ZNF281: variants seen among roughly 807,000 people sequenced by gnomAD.
ZNF281 encodes GC-box-binding zinc finger protein 1.
Under a neutral mutation model 58.8 loss-of-function variants are expected in ZNF281, and 2 were observed. That is an observed-to-expected ratio of 0.03 (90% CI 0.01 to 0.11). The LOEUF (loss-of-function observed/expected upper bound fraction) is 0.11. Among genes scored for constraint, ZNF281 ranks in the 10% least tolerant of loss-of-function variants. The probability of loss-of-function intolerance (pLI) is 1.00; values close to 1 mark genes in which losing one functional copy is unlikely to be tolerated. For synonymous variants in ZNF281, 465 were observed against 407.7 expected, an observed-to-expected ratio of 1.14 and a Z score of -1.69; for missense variants, 975 against 1,090.7, an observed-to-expected ratio of 0.89 and a Z score of 1.49.
Position 200,409,697 on chromosome 1 carries a change from G to C in ZNF281, c.9C>G (p.Ile3Met). Residue 3 changes from isoleucine (I) to methionine (M), a missense_variant, in exon 2 of 2, where the codon ATC (isoleucine) becomes ATG (methionine). Around this residue, in one of 3 missense-constraint regions of ZNF281, gnomAD observed 370 missense variants for 360.9 expected, o/e 1.03. Transcript: ENST00000367353. ...CGCCGCCACTCAGGAACCCACTGCC[G>C]ATTTTCATACCCCGGAGGAGGCCTG... is the stretch of plus-strand genomic sequence containing the variant. MKIGSGFLSGGGG... is the reference protein window; with the variant it reads MKMGSGFLSGGGG... 6.3e-7 allele frequency: 1 copy of C among 1,589,170 alleles called. No homozygotes were observed. The highest frequency in any genetic ancestry group is 8.5e-7 in the Non-Finnish European group (1 of 1,170,358).
Position 200,407,016 on chromosome 1 carries a change from C to T in ZNF281, c.*2G>A, listed in dbSNP as rs1654469694. 1.2e-6 allele frequency: 2 copies of T among 1,605,378 alleles called. No individual in the cohort carries two copies. Among genetic ancestry groups the T allele is most frequent in the South Asian group, 1.1e-5 (1 of 90,016 alleles). On this transcript the variant is annotated 3_prime_UTR_variant, in exon 2 of 2. Transcript: ENST00000367353. ...ACCTCCAGCCTGGCCACTTTTGGGA[C>T]CTTACCTGTAACTCTGGCTGGTGGG...
rs1654472150 is a variant in ZNF281 at position 200,407,105 on chromosome 1, A to G, written c.2601T>C (p.Asp867=). 2 of 1,614,084 alleles carry G rather than the reference A, an allele frequency of 1.2e-6. No individual in the cohort carries two copies. Among genetic ancestry groups the G allele is most frequent in the African/African-American group, 1.3e-5 (1 of 74,932 alleles). ...ACATCATATTTGTATACCCTGAGAA[A>G]TCTGACACTGAAGTCCTTACTCTAT... The part of the protein sequence containing the change: ...VDHRVRTSVS[D]FSGYTNMMSD... The change falls in exon 2 of 2, where the codon GAT becomes GAC. Residue 867 remains aspartate, a synonymous_variant. Transcript: ENST00000367353.
Position 200,408,062 on chromosome 1 carries a change from G to C in ZNF281, c.1644C>G (p.Ser548Arg). ...SKKRRYLPTA[S>R]SNSAFSINVG... is the part of the protein sequence containing the mutation. ...CGTTTATAGAAAAGGCACTGTTGCTGCTGGCAGTTGGTAAATATCTTCTTT... is the reference window on the plus strand; with the variant it reads ...CGTTTATAGAAAAGGCACTGTTGCTCCTGGCAGTTGGTAAATATCTTCTTT... Residue 548 changes from serine (S) to arginine (R), a missense_variant, in exon 2 of 2, where the codon AGC becomes AGG. By Grantham distance (110) the Ser-to-Arg change is moderately radical. Transcript: ENST00000367353. The C allele has an allele frequency of 1.9e-6, 3 of 1,614,194 alleles. No individual in the cohort carries two copies. The highest frequency in any genetic ancestry group is 2.5e-6 in the Non-Finnish European group (3 of 1,180,034).
chr1:200,407,183 C>T lies in ZNF281; in HGVS notation c.2523G>A (p.Ser841=), dbSNP rs759164804. Residue 841 remains serine (S), a synonymous_variant, in exon 2 of 2, where the codon TCG becomes TCA. Transcript: ENST00000367353. The stretch of plus-strand genomic sequence containing the variant: ...TAAAGGTCATTGGCACCCTGCTGCC[C>T]GACTTAAACTGAGAACCAAACGCTT... ...FAQAFGSQFK[S]GSRVPMTFIT... The T allele has an allele frequency of 3.1e-6, 5 of 1,614,188 alleles. No homozygotes were observed. The South Asian group carries it at 5.5e-5, about 18-fold the overall frequency.
rs1654491531 is a variant in ZNF281 at position 200,407,706 on chromosome 1, T to A, written c.2000A>T (p.Glu667Val). Reference protein sequence around the residue: ...PSNDKASMLQEYSKYLQQAFE... With the variant: ...PSNDKASMLQVYSKYLQQAFE... ...AGCCTGTTGGAGGTATTTGGAGTAT[T>A]CTTGCAACATACTTGCTTTATCATT... Residue 667 changes from glutamate to valine, a missense_variant, in exon 2 of 2, where the codon GAA becomes GTA. Physicochemically the swap from Glu to Val is moderately radical, Grantham distance 121 (BLOSUM62 -2). Transcript: ENST00000367353. 1 of 1,614,068 alleles carries A rather than the reference T, an allele frequency of 6.2e-7. No homozygotes were observed. The highest frequency in any genetic ancestry group is 1.1e-5 in the South Asian group (1 of 91,088).
At position 200,409,841 on chromosome 1, in the gene ZNF281, C is replaced by T. The variant is rs1463137324; in HGVS notation, c.-19+105G>A. On this transcript the variant is annotated intron_variant, in intron 1 of 1. Coordinates refer to ENST00000367353, the MANE Select transcript of ZNF281 (RefSeq NM_001281293.2). ...GCCGCCGCCCAGACCGCAACGCGCCCAGCACTAATTCCCAGCCCAGTCGCC... is the reference window on the plus strand; with the variant it reads ...GCCGCCGCCCAGACCGCAACGCGCCTAGCACTAATTCCCAGCCCAGTCGCC... 4 of 1,330,544 alleles carry T rather than the reference C, an allele frequency of 3.0e-6. No homozygotes were observed. The East Asian group carries it at 1.0e-4, about 33-fold the overall frequency. The allele number at this position is 1,330,544 out of a possible 1,614,324, so 82.4% of individuals were successfully genotyped here.
chr1:200,407,388 T>C lies in ZNF281; in HGVS notation c.2318A>G (p.Lys773Arg), dbSNP rs1189701258. ...GAAGGCTGATGAAGTCTCTAAGTTCTTCTGAGAATCTATCAGATCATCCAG... is the reference window on the plus strand; with the variant it reads ...GAAGGCTGATGAAGTCTCTAAGTTCCTCTGAGAATCTATCAGATCATCCAG... ...QELDDLIDSQ[K>R]NLETSSAFQS... is the part of the protein sequence containing the mutation. The change falls in exon 2 of 2, where the codon AAG becomes AGG. Residue 773 changes from lysine to arginine, a missense_variant. Lys to Arg is a conservative substitution (Grantham distance 26). Coordinates refer to ENST00000367353, the MANE Select transcript of ZNF281 (RefSeq NM_001281293.2). The C allele has an allele frequency of 6.2e-7, 1 of 1,614,168 alleles. No individual in the cohort carries two copies. Among genetic ancestry groups the C allele is most frequent in the Admixed American group, 1.7e-5 (1 of 60,022 alleles).
Position 200,407,665 on chromosome 1 carries a change from T to C in ZNF281, c.2041A>G (p.Asn681Asp). 1 of 1,614,190 alleles carries C rather than the reference T, an allele frequency of 6.2e-7. No homozygotes were observed. The highest frequency in any genetic ancestry group is 8.5e-7 in the Non-Finnish European group (1 of 1,180,024). Reference sequence around the variant, plus strand: ...CCGTGTCCAAGAGTAAAACTTGCATTAGTGGATTTTTCAAAAGCCTGTTGG... The same window carrying C: ...CCGTGTCCAAGAGTAAAACTTGCATCAGTGGATTTTTCAAAAGCCTGTTGG... ...YLQQAFEKSTNASFTLGHGFQ... is the reference protein window; with the variant it reads ...YLQQAFEKSTDASFTLGHGFQ... Residue 681 changes from asparagine to aspartate, a missense_variant, in exon 2 of 2, where the codon AAT (asparagine) becomes GAT (aspartate). Asn to Asp is a conservative substitution (Grantham distance 23). Around this residue, in one of 3 missense-constraint regions of ZNF281, gnomAD observed 579 missense variants for 608.9 expected, o/e 0.95. Transcript: ENST00000367353.
In ZNF281 at chr1:200,408,428, C is replaced by A; in HGVS notation, c.1278G>T (p.Ser426=). ...GCATGTTTATATTATTTGAAATTTG[C>A]GATTCATTTGTTTTACCGGTCTTCT... ...KEQKTGKTNE[S]QISNNINMQS... is the part of the protein sequence containing the mutation. The change falls in exon 2 of 2, where the codon TCG becomes TCT. Residue 426 remains serine, a synonymous_variant. Coordinates refer to ENST00000367353, the MANE Select transcript of ZNF281 (RefSeq NM_001281293.2). The A allele has an allele frequency of 6.2e-7, 1 of 1,613,854 alleles. No homozygotes were observed. Among genetic ancestry groups the A allele is most frequent in the Non-Finnish European group, 8.5e-7 (1 of 1,179,944 alleles).
At position 200,407,569 on chromosome 1, in the gene ZNF281, T is replaced by A. The variant is rs750418152; in HGVS notation, c.2137A>T (p.Thr713Ser). 1.2e-6 allele frequency: 2 copies of A among 1,614,112 alleles called. No homozygotes were observed. Among genetic ancestry groups the A allele is most frequent in the South Asian group, 2.2e-5 (2 of 91,084 alleles). ...TLFPEKQIYTTSPLECGFGQS... is the reference protein window; with the variant it reads ...TLFPEKQIYTSSPLECGFGQS... ...CCGAAACCACACTCCAAAGGAGACG[T>A]AGTGTATATTTGTTTTTCTGGAAAC... The change falls in exon 2 of 2, where the codon ACG becomes TCG. Residue 713 changes from threonine to serine, a missense_variant. Transcript: ENST00000367353.
chr1:200,405,161 C>T lies in ZNF281; in HGVS notation c.*1857G>A, dbSNP rs1413795820. 3 of 152,488 alleles carry T rather than the reference C, an allele frequency of 2.0e-5. No individual in the cohort carries two copies. Among genetic ancestry groups the T allele is most frequent in the African/African-American group, 7.2e-5 (3 of 41,444 alleles). 9.4% of individuals were successfully genotyped at this position (152,488 alleles called of 1,614,324 possible). On this transcript the variant is annotated 3_prime_UTR_variant, in exon 2 of 2. Transcript: ENST00000367353. ...TGTACTCTGTACTCAATAGAACTTACCGCACTTACTGAAATAAGAAATAAA... is the reference window on the plus strand; with the variant it reads ...TGTACTCTGTACTCAATAGAACTTATCGCACTTACTGAAATAAGAAATAAA...
Position 200,408,596 on chromosome 1 carries a change from G to C in ZNF281, c.1110C>G (p.Val370=), listed in dbSNP as rs1654523651. 1 of 1,614,178 alleles carries C rather than the reference G, an allele frequency of 6.2e-7. No individual in the cohort carries two copies. The highest frequency in any genetic ancestry group is 8.5e-7 in the Non-Finnish European group (1 of 1,180,040). The change falls in exon 2 of 2, where the codon GTC becomes GTG. Residue 370 remains valine (V), a synonymous_variant. Coordinates refer to ENST00000367353, the MANE Select transcript of ZNF281 (RefSeq NM_001281293.2). ...CTGCACTAGTGGCTCCTTTAACTAT[G>C]ACTTCACCACATGTGCGCCTGTGCT... The part of the protein sequence containing the change: ...LLKHRRTCGE[V]IVKGATSAEP...
rs543256121 is a variant in ZNF281, at chr1:200,409,403, C to T, written c.303G>A (p.Lys101=). ...CCGCGGCTGACGCCGCCGGCTCCTT[C>T]TTGAAAGTCATGTCCGGGGCTGGCG... The part of the protein sequence containing the change: ...PPPPAPDMTF[K]KEPAASAAAF... Residue 101 remains lysine, a synonymous_variant, in exon 2 of 2, where the codon AAG becomes AAA. Coordinates refer to ENST00000367353, the MANE Select transcript of ZNF281 (RefSeq NM_001281293.2). The T allele has an allele frequency of 3.9e-6, 6 of 1,520,858 alleles. No individual in the cohort carries two copies. In the African/African-American group the frequency reaches 5.6e-5, roughly 14 times the overall value. 94.2% of individuals were successfully genotyped at this position (1,520,858 alleles called of 1,614,324 possible).
Position 200,409,607 on chromosome 1 carries a change from G to A in ZNF281, c.99C>T (p.Gly33=), listed in dbSNP as rs1202157287. The A allele has an allele frequency of 1.9e-6, 3 of 1,547,140 alleles. No individual in the cohort carries two copies. Among genetic ancestry groups the A allele is most frequent in the African/African-American group, 1.4e-5 (1 of 72,944 alleles). ...TCTCTGCCCTCCTGCCGCTGCTGCCGCCGCCGCCGCCGCCGCCACTACCAC... is the reference window on the plus strand; with the variant it reads ...TCTCTGCCCTCCTGCCGCTGCTGCCACCGCCGCCGCCGCCGCCACTACCAC... ...GGGGSGGGGG[G]GSSGRRAEME... The change falls in exon 2 of 2, where the codon GGC becomes GGT. Residue 33 remains glycine (G), a synonymous_variant. Coordinates refer to ENST00000367353, the MANE Select transcript of ZNF281 (RefSeq NM_001281293.2).
chr1:200,407,793 G>A lies in ZNF281; in HGVS notation c.1913C>T (p.Ser638Leu). The A allele has an allele frequency of 6.2e-7, 1 of 1,614,186 alleles. No homozygotes were observed. Among genetic ancestry groups the A allele is most frequent in the Non-Finnish European group, 8.5e-7 (1 of 1,180,018 alleles). ...IAEPRVDLHTSGEHSELVQEE... is the reference protein window; with the variant it reads ...IAEPRVDLHTLGEHSELVQEE... ...TTGAACCAATTCTGAGTGTTCTCCT[G>A]AGGTGTGTAAATCCACTCGTGGTTC... Residue 638 changes from serine to leucine, a missense_variant, in exon 2 of 2, where the codon TCA becomes TTA. Physicochemically the swap from Ser to Leu is moderately radical, Grantham distance 145. This residue lies in a region of ZNF281 where 579 missense variants were observed against 608.9 expected (regional missense o/e 0.95). Transcript: ENST00000367353.
intron 1 of ZNF281, 98 bp downstream of exon 1, chr1:200,409,848 A>C (rs1398117209): frequency 1.6e-6 from 2 of 1,288,292 alleles, no homozygotes; most frequent in South Asian, 1.5e-5. Context: ...GCCCAGCACT[A>C]ATTCCCAGCC....
Position 200,405,059 on chromosome 1 carries a change from A to G in ZNF281, c.*1959T>C, listed in dbSNP as rs1354793739. On this transcript the variant is annotated 3_prime_UTR_variant, in exon 2 of 2. Transcript: ENST00000367353. ...AAAGTTAAAGAAATTCAAAACCTGT[A>G]TAAAACAAACTGGAGAAAAATCATA... is the stretch of plus-strand genomic sequence containing the variant. 6.5e-6 allele frequency: 1 copy of G among 152,692 alleles called. No individual in the cohort carries two copies. Among genetic ancestry groups the G allele is most frequent in the Non-Finnish European group, 1.5e-5 (1 of 68,048 alleles). 9.5% of individuals were successfully genotyped at this position (152,692 alleles called of 1,614,324 possible). A position where few individuals can be genotyped will look rare whatever the true frequency, so the allele number is the denominator to read the frequency against.
In ZNF281 at chr1:200,409,238, A is replaced by G; in HGVS notation, c.468T>C (p.Ala156=). 6.2e-7 allele frequency: 1 copy of G among 1,613,912 alleles called. No homozygotes were observed. The highest frequency in any genetic ancestry group is 2.2e-5 in the East Asian group (1 of 44,874). The change falls in exon 2 of 2, where the codon GCT becomes GCC. Residue 156 remains alanine, a synonymous_variant. Transcript: ENST00000367353. ...HHHYGGLFAG[A]EERSPGLGGG... is the part of the protein sequence containing the mutation. ...CTCCTAGGCCTGGAGACCTCTCTTC[A>G]GCTCCAGCGAACAGCCCCCCATAGT...
At position 200,407,057 on chromosome 1, in the gene ZNF281, A is replaced by G. The variant is rs1654470615; in HGVS notation, c.2649T>C (p.Ser883=). The G allele has an allele frequency of 6.2e-7, 1 of 1,613,986 alleles. No homozygotes were observed. The highest frequency in any genetic ancestry group is 8.5e-7 in the Non-Finnish European group (1 of 1,179,964). Residue 883 remains serine (S), a synonymous_variant, in exon 2 of 2, where the codon AGT becomes AGC. Coordinates refer to ENST00000367353, the MANE Select transcript of ZNF281 (RefSeq NM_001281293.2). ...NMMSDVSEPC[S]TRVKTPTSQS... ...GGCTGGTGGGTGTCTTTACTCTTGT[A>G]CTACATGGCTCACTTACATCAGACA... is the stretch of plus-strand genomic sequence containing the variant.
Sources: allele counts gnomAD v4.1 joint callset, GRCh38; gene constraint gnomAD v4.1.1; regional missense constraint gnomAD v4.1.1; transcripts MANE v1.5; gene names NCBI Gene and HGNC (gene_info 2026-07-23, HGNC 2026-07-21).